PTPRD: variants seen among roughly 807,000 people sequenced by gnomAD.
The protein encoded by PTPRD is protein tyrosine phosphatase receptor type D.
PTPRD carries 34 observed loss-of-function variants against 214.5 expected under a neutral mutation model. The observed-to-expected ratio is 0.16, with a 90% CI of 0.12 to 0.21. PTPRD has a LOEUF of 0.21. Among genes scored for constraint, PTPRD ranks in the 10% least tolerant of loss-of-function variants. The pLI is 1.00. For synonymous variants in PTPRD, 1,128 were observed against 845.7 expected (o/e 1.33, Z -5.79); for missense variants, 2,545 against 2,398.7 (o/e 1.06, Z -1.27).
chr9:10,346,502 C>G (rs547875506), intron 2 of PTPRD, among the ~76,000 whole-genome samples: 2 of 152,208 alleles, frequency 1.3e-5, no homozygotes, highest in Admixed American at 1.3e-4. Flanking sequence ...AAAAACTATT[C>G]ATGTGCTATA....
rs187436327 is a variant in PTPRD, at chr9:10,461,307, A to G, written c.-599-120290T>C. On this transcript the variant is annotated intron_variant, in intron 2 of 45. Transcript: ENST00000381196. ...TGTTGGTGCAGGCATTATGGGAAAC[A>G]GTGTCAGATTTCTAATGAAATTAAA... Among the ~76,000 whole-genome samples, 298 of 152,046 alleles carry G rather than the reference A, an allele frequency of 2.0e-3. 1 individual carries two copies. The highest frequency in any genetic ancestry group is 7.7e-3 in the South Asian group (37 of 4,818).
intron 3 of PTPRD, among the ~76,000 whole-genome samples, chr9:10,317,580 G>A (rs982765755): frequency 3.9e-5 from 6 of 152,030 alleles, no homozygotes; most frequent in South Asian, 2.1e-4. Flanking sequence ...AAACTTTACT[G>A]GAAGGTGGAC....
chr9:8,744,386 T>A (rs903889077), intron 11 of PTPRD, among the ~76,000 whole-genome samples: 3 of 152,148 alleles, frequency 2.0e-5, no homozygotes, highest in Non-Finnish European at 4.4e-5. Context: ...TGCAAAAATA[T>A]GGAACCAGCC....
intron 14 of PTPRD, among the ~76,000 whole-genome samples, chr9:8,588,957 T>C (rs774535186): frequency 1.5e-4 from 23 of 152,172 alleles, no homozygotes; most frequent in Non-Finnish European, 3.1e-4. Flanking sequence ...TTGTATTTAA[T>C]AAAAGTTATT....
intron 9 of PTPRD, among the ~76,000 whole-genome samples, chr9:9,202,604 GTGTAGTGGT>G (rs2099942528): frequency 6.6e-6 from 1 of 152,150 alleles, no homozygotes; most frequent in Admixed American, 6.5e-5. Flanking sequence ...GGGATGGGGG[GTGTAGTGGT>G]ACATTATTAG....
chr9:9,220,360 G>GT (rs1160039080), intron 9 of PTPRD, among the ~76,000 whole-genome samples: 6 of 144,130 alleles, frequency 4.2e-5, no homozygotes, highest in South Asian at 2.2e-4. Flanking sequence ...AAAATGACAA[G>GT]TTTTTTTGAG....
At chr9:10,237,801 C>T (rs2099633863) in intron 3 of PTPRD, among the ~76,000 whole-genome samples, 1 of 151,902 alleles carries the variant, frequency 6.6e-6, no homozygotes, top group Non-Finnish European at 1.5e-5. Flanking sequence ...GCATCACCAT[C>T]ATTATGAGTA....
chr9:9,852,997 C>T (rs982827171), intron 5 of PTPRD, among the ~76,000 whole-genome samples: 5 of 152,176 alleles, frequency 3.3e-5, no homozygotes, highest in African/African-American at 1.2e-4. Context: ...TAAATAGGAT[C>T]ACCCTTATAG....
intron 2 of PTPRD, among the ~76,000 whole-genome samples, chr9:10,605,838 G>A (rs1465554304): frequency 2.0e-5 from 3 of 151,714 alleles, no homozygotes; most frequent in African/African-American, 7.3e-5. Flanking sequence ...TGACACATAG[G>A]AGACTCAATA....
intron 44 of PTPRD, among the ~76,000 whole-genome samples, chr9:8,327,572 T>TTCAAG (rs1349335998): frequency 6.6e-6 from 1 of 152,202 alleles, no homozygotes; most frequent in Non-Finnish European, 1.5e-5. Context: ...CAGAGCTGTG[T>TTCAAG]TCAAGTCCTG....
intron 9 of PTPRD, among the ~76,000 whole-genome samples, chr9:9,239,939 T>C (rs1317238411): frequency 6.6e-6 from 1 of 152,136 alleles, no homozygotes; most frequent in East Asian, 1.9e-4. Context: ...GAGGTGGGAA[T>C]TGAGGACCAT....
intron 10 of PTPRD, among the ~76,000 whole-genome samples, chr9:9,128,194 T>C (rs976834047): frequency 6.6e-6 from 1 of 152,142 alleles, no homozygotes; most frequent in African/African-American, 2.4e-5. Context: ...GCTATTTAAT[T>C]TAAAAAATAA....
At chr9:9,219,137 T>C (rs941498184) in intron 9 of PTPRD, among the ~76,000 whole-genome samples, 9 of 152,256 alleles carry the variant, frequency 5.9e-5, no homozygotes, top group Non-Finnish European at 1.3e-4. Flanking sequence ...TAGATTTCAA[T>C]GTACAGATAT....
At chr9:9,354,563 C>T (rs1238601462) in intron 9 of PTPRD, among the ~76,000 whole-genome samples, 1 of 151,670 alleles carries the variant, frequency 6.6e-6, no homozygotes, top group African/African-American at 2.4e-5. Flanking sequence ...GGGAATTCAT[C>T]AGTGAATGAA....
At chr9:9,724,223 A>G (rs2098031232) in intron 7 of PTPRD, among the ~76,000 whole-genome samples, 1 of 152,136 alleles carries the variant, frequency 6.6e-6, no homozygotes, top group African/African-American at 2.4e-5. Context: ...CTCTGTTTCA[A>G]TGTACCTGTT....
intron 3 of PTPRD, among the ~76,000 whole-genome samples, chr9:10,312,398 G>T (rs2096290418): frequency 6.6e-6 from 1 of 151,882 alleles, no homozygotes; most frequent in Admixed American, 6.6e-5. Context: ...GTAGGAATAT[G>T]GAAGTATTGA....
chr9:9,947,567 T>C (rs1331638285), intron 4 of PTPRD, among the ~76,000 whole-genome samples: 1 of 38,146 alleles, frequency 2.6e-5, no homozygotes, highest in Non-Finnish European at 4.1e-5. Context: ...ATATATTTTA[T>C]ATATATATTA....
intron 6 of PTPRD, among the ~76,000 whole-genome samples, chr9:9,751,006 T>C: frequency 6.6e-6 from 1 of 152,050 alleles, no homozygotes; most frequent in Non-Finnish European, 1.5e-5. Flanking sequence ...GTGCCTAATT[T>C]TGATTTTCCA....
At chr9:8,751,130 T>C (rs536951968) in intron 11 of PTPRD, among the ~76,000 whole-genome samples, 1 of 152,342 alleles carries the variant, frequency 6.6e-6, no homozygotes, top group South Asian at 2.1e-4. Flanking sequence ...CGCTTTTTAA[T>C]GTTTTCAGCT....
Sources: gnomAD v4.1 joint callset for allele counts (sites outside exome capture counted in the v4.1 genomes callset) on GRCh38, gnomAD v4.1.1 for gene constraint, MANE v1.5 for transcripts, NCBI Gene and HGNC (gene_info 2026-07-23, HGNC 2026-07-21) for gene names.